Variants in STK17B observed in about 807,000 individuals in gnomAD.
The protein encoded by STK17B is serine/threonine-protein kinase 17B.
STK17B carries 21 observed loss-of-function variants against 42.0 expected under a neutral mutation model. The ratio of observed to expected loss-of-function variants is 0.50; its 90% CI spans 0.35 to 0.72. The LOEUF is 0.72. Among genes scored for constraint, STK17B ranks in the 30% least tolerant of loss-of-function variants. The pLI, the probability that STK17B is intolerant of heterozygous loss-of-function variation, is 0.00. For synonymous variants in STK17B, 143 were observed against 148.4 expected (o/e 0.96, Z 0.26); for missense variants, 349 against 446.0 (o/e 0.78, Z 1.96).
intron 3 of STK17B, among the ~76,000 whole-genome samples, chr2:196,155,713 T>A (rs747589566): frequency 6.6e-6 from 1 of 152,206 alleles, no homozygotes; most frequent in Non-Finnish European, 1.5e-5. Context: ...TTTTACATCC[T>A]TAGAATAAAC....
chr2:196,166,759 AG>A (rs1699878703), intron 1 of STK17B, among the ~76,000 whole-genome samples: 1 of 152,250 alleles, frequency 6.6e-6, no homozygotes, highest in Non-Finnish European at 1.5e-5. Flanking sequence ...GAATGCAGAA[AG>A]CAAGTGTGAT....
chr2:196,155,546 TA>T (rs1699726694), intron 3 of STK17B, among the ~76,000 whole-genome samples: 1 of 152,182 alleles, frequency 6.6e-6, no homozygotes, highest in African/African-American at 2.4e-5. Flanking sequence ...TAAAAAGAAT[TA>T]CTATAGTTAG....
rs567514754 is a variant in STK17B, at chr2:196,138,898, C to T, written c.836+722G>A. On this transcript the variant is annotated intron_variant, in intron 7 of 7. Transcript: ENST00000263955. ...TGACTCGCTTCTTTTGTAAGGTTGT[C>T]AAAGGGCATCCAATCCTTCAAGATT... Among the ~76,000 whole-genome samples, 56 of 150,496 alleles carry T rather than the reference C, an allele frequency of 3.7e-4. 1 individual carries two copies. The highest frequency in any genetic ancestry group is 6.7e-4 in the Admixed American group (10 of 15,024).
chr2:196,175,691 C>T (rs935770175), upstream of STK17B, among the ~76,000 whole-genome samples: 4 of 152,142 alleles, frequency 2.6e-5, no homozygotes, highest in East Asian at 7.7e-4. Flanking sequence ...AATTTAATGA[C>T]AATGAAATAA....
At position 196,143,658 on chromosome 2, in the gene STK17B, T is replaced by A; in HGVS notation, c.509A>T (p.Tyr170Phe). ...KPQNILLSSI[Y>F]PLGDIKIVDF... ...TACTATTTTAATGTCCCCGAGAGGG[T>A]ATATGCTGCTCAGTAATATATTCTG... The change falls in exon 5 of 8, where the codon TAC becomes TTC. Residue 170 changes from tyrosine to phenylalanine, a missense_variant. By Grantham distance (22) the Tyr-to-Phe change is conservative. Coordinates refer to ENST00000263955, the MANE Select transcript of STK17B (RefSeq NM_004226.4). 6.3e-7 allele frequency: 1 copy of A among 1,590,778 alleles called. No individual in the cohort carries two copies. The highest frequency in any genetic ancestry group is 8.5e-7 in the Non-Finnish European group (1 of 1,170,286).
intron 3 of STK17B, chr2:196,154,716 C>T (rs1699715861): frequency 6.6e-6 from 1 of 152,162 alleles, no homozygotes; most frequent in African/African-American, 2.4e-5. Flanking sequence ...AAAAATTATG[C>T]CACACTACTA....
chr2:196,156,334 CA>C, intron 3 of STK17B, 104 bp downstream of exon 3: 1 of 990,192 alleles, frequency 1.0e-6, no homozygotes, highest in Non-Finnish European at 1.5e-6. Context: ...ATTTTATTAA[CA>C]GGAATCTTTA....
At chr2:196,166,671 C>T (rs1321583464) in intron 1 of STK17B, among the ~76,000 whole-genome samples, 1 of 151,726 alleles carries the variant, frequency 6.6e-6, no homozygotes, top group Non-Finnish European at 1.5e-5. Context: ...ATAATAATTA[C>T]CAAAAGAATT....
chr2:196,141,348 G>T (rs886463105), intron 5 of STK17B, 51 bp from the exon 6 acceptor site: 13 of 1,429,008 alleles, frequency 9.1e-6, no homozygotes, highest in Non-Finnish European at 1.3e-5. Context: ...TTTAAAACAA[G>T]AAAATCACTT....
At chr2:196,142,452 CA>C (rs567537590) in intron 5 of STK17B, among the ~76,000 whole-genome samples, 62 of 145,180 alleles carry the variant, frequency 4.3e-4, no homozygotes, top group African/African-American at 8.0e-4. Context: ...CTTCACTTGC[CA>C]AAAAAAAAAG....
At chr2:196,154,747 A>G (rs1216967113) in intron 3 of STK17B, 1 of 152,196 alleles carries the variant, frequency 6.6e-6, no homozygotes, top group Non-Finnish European at 1.5e-5. Context: ...ACCTGATTAA[A>G]TTTTTACCTT....
intron 3 of STK17B, among the ~76,000 whole-genome samples, chr2:196,149,007 A>G (rs962039545): frequency 1.2e-4 from 18 of 152,184 alleles, no homozygotes; most frequent in African/African-American, 4.3e-4. Context: ...TGTAATGTGA[A>G]TAATAGAATA....
At position 196,137,043 on chromosome 2, in the gene STK17B, G is replaced by A. The variant is rs1376135300; in HGVS notation, c.*404C>T. On this transcript the variant is annotated 3_prime_UTR_variant, in exon 8 of 8. Transcript: ENST00000263955. ...AACAAATTATGTTGATAGAGGCATG[G>A]TATAAGAGTCACCTTAGAGAGAGAA... The A allele has an allele frequency of 6.1e-6, 1 of 164,086 alleles. No individual in the cohort carries two copies. 10.2% of individuals were successfully genotyped at this position (164,086 alleles called of 1,614,324 possible).
rs1004152196 is a variant in STK17B at position 196,171,551 on chromosome 2, G to A, written c.-263C>T. 1 of 152,256 alleles carries A rather than the reference G, an allele frequency of 6.6e-6. No homozygotes were observed. The highest frequency in any genetic ancestry group is 1.5e-5 in the Non-Finnish European group (1 of 68,068). 9.4% of individuals were successfully genotyped at this position (152,256 alleles called of 1,614,324 possible). On this transcript the variant is annotated 5_prime_UTR_variant, in exon 1 of 8. Coordinates refer to ENST00000263955, the MANE Select transcript of STK17B (RefSeq NM_004226.4). Reference sequence around the variant, plus strand: ...TGACTCCTGGCGACAGCAGCGGAGAGGACTACCGAAGCTTGCAGTCGCGGT... The same window carrying A: ...TGACTCCTGGCGACAGCAGCGGAGAAGACTACCGAAGCTTGCAGTCGCGGT...
At position 196,158,429 on chromosome 2, in the gene STK17B, T is replaced by C. The variant is rs536273186; in HGVS notation, c.123-1778A>G. Among the ~76,000 whole-genome samples the C allele has an allele frequency of 2.0e-5, 3 of 152,372 alleles. No homozygotes were observed. The South Asian group carries it at 6.2e-4, about 32-fold the overall frequency. Reference sequence around the variant, plus strand: ...ATTTGCATATAAAAACCTGATTCTTTGAAAGCAGTTTTAAGATTTGAGAAT... The same window carrying C: ...ATTTGCATATAAAAACCTGATTCTTCGAAAGCAGTTTTAAGATTTGAGAAT... On this transcript the variant is annotated intron_variant, in intron 2 of 7. Coordinates refer to ENST00000263955, the MANE Select transcript of STK17B (RefSeq NM_004226.4).
rs1699410062 is a variant in STK17B, at chr2:196,136,643, A to G, written c.*804T>C. ...TTTGACTAAAAATACAGAATATTTA[A>G]CTATACCTAAGTATCTTCTACTCTA... is the stretch of plus-strand genomic sequence containing the variant. On this transcript the variant is annotated 3_prime_UTR_variant, in exon 8 of 8. Coordinates refer to ENST00000263955, the MANE Select transcript of STK17B (RefSeq NM_004226.4). 6.6e-6 allele frequency: 1 copy of G among 152,210 alleles called. No individual in the cohort carries two copies. Among genetic ancestry groups the G allele is most frequent in the Admixed American group, 6.5e-5 (1 of 15,276 alleles). 9.4% of individuals were successfully genotyped at this position (152,210 alleles called of 1,614,324 possible).
intron 6 of STK17B, among the ~76,000 whole-genome samples, chr2:196,140,577 C>CCTTTTTTTTTTTTTTTTT (rs1334737441): frequency 9.9e-6 from 1 of 101,478 alleles, no homozygotes; most frequent in African/African-American, 3.6e-5. Flanking sequence ...CTTCTTCTAG[C>CCTTTTTTTTTTTTTTTTT]TTTTTTTTTT....
chr2:196,141,323 T>G, intron 5 of STK17B, 26 bp from the exon 6 acceptor site: 1 of 1,570,366 alleles, frequency 6.4e-7, no homozygotes, highest in Non-Finnish European at 8.7e-7. Flanking sequence ...AAACTTAAAT[T>G]CAATATTGAC....
chr2:196,156,919 T>C (rs1699747443), intron 2 of STK17B, among the ~76,000 whole-genome samples: 2 of 152,106 alleles, frequency 1.3e-5, no homozygotes, highest in Admixed American at 1.3e-4. Flanking sequence ...TGATACATTA[T>C]CTTGGGAGGC....
Sources: allele counts gnomAD v4.1 joint callset (sites outside exome capture counted in the v4.1 genomes callset), GRCh38; gene constraint gnomAD v4.1.1; transcripts MANE v1.5; gene names NCBI Gene and HGNC (gene_info 2026-07-23, HGNC 2026-07-21).